Variants in PKD1L1 observed in about 807,000 individuals in gnomAD.
The protein encoded by PKD1L1 is polycystin 1 like 1, transient receptor potential channel interacting.
Under a neutral mutation model 323.4 loss-of-function variants are expected in PKD1L1, and 236 were observed. The observed-to-expected ratio is 0.73, with a 90% CI of 0.66 to 0.81. The LOEUF is 0.81. Among genes scored for constraint, PKD1L1 ranks in the 40% least tolerant of loss-of-function variants. PKD1L1 has a pLI of 0.00. For missense variants in PKD1L1, 3,320 were observed against 3,508.0 expected (o/e 0.95, Z 1.35); for synonymous variants, 1,344 against 1,335.0 (o/e 1.01, Z -0.15).
chr7:47,952,086 A>G (rs1018241351), upstream of PKD1L1, among the ~76,000 whole-genome samples: 1 of 152,006 alleles, frequency 6.6e-6, no homozygotes, highest in Non-Finnish European at 1.5e-5. Flanking sequence ...GATATTCTAC[A>G]TCTTTTTTTA....
chr7:47,861,520 A>G (rs1786022012), intron 26 of PKD1L1, among the ~76,000 whole-genome samples: 1 of 152,198 alleles, frequency 6.6e-6, no homozygotes, highest in Non-Finnish European at 1.5e-5. Context: ...GAAGATGCCT[A>G]CGTTGGGTTG....
chr7:47,824,621 G>T (rs998398122), intron 45 of PKD1L1, among the ~76,000 whole-genome samples: 3 of 152,176 alleles, frequency 2.0e-5, no homozygotes, highest in Middle Eastern at 3.4e-3. Flanking sequence ...TCCTAAAGGT[G>T]CCTGGATTGC....
Position 47,842,872 on chromosome 7 carries a change from C to T in PKD1L1, c.5445+90G>A, listed in dbSNP as rs988384078. 2.1e-5 allele frequency: 26 copies of T among 1,245,568 alleles called. 1 individual carries two copies. The African/African-American group carries it at 3.3e-4, about 16-fold the overall frequency. 77.2% of individuals were successfully genotyped at this position (1,245,568 alleles called of 1,614,324 possible). ...GAGATGAGGCTGCTGTGACAGGTGA[C>T]AGACGGGGCAGCCAAATCACCAAAT... is the stretch of plus-strand genomic sequence containing the variant. On this transcript the variant is annotated intron_variant, in intron 34 of 56. Coordinates refer to ENST00000289672, the MANE Select transcript of PKD1L1 (RefSeq NM_138295.5).
In PKD1L1 at chr7:47,890,541, C is replaced by A. The variant is rs1786788175; in HGVS notation, c.2675+1G>T. On this transcript the variant is annotated splice_donor_variant, in intron 16 of 56. Coordinates refer to ENST00000289672, the MANE Select transcript of PKD1L1 (RefSeq NM_138295.5). LOFTEE classifies it high-confidence loss of function. ...GCTGTGCTGAATACAGGGTCAGGTA[C>A]CTGAACGCCGAGTCAGGGTAGGGGG... 6.2e-7 allele frequency: 1 copy of A among 1,613,770 alleles called. No homozygotes were observed. The highest frequency in any genetic ancestry group is 1.3e-5 in the African/African-American group (1 of 74,902).
Position 47,837,057 on chromosome 7 carries a change from A to G in PKD1L1, c.5807T>C (p.Phe1936Ser). ...YCKFTEYLED[F>S]HVWLSVYSRP... ...GCTGTACACCGACAGCCAGACATGG[A>G]AATCCTCCAGGTACTCTGTGAACTT... The change falls in exon 37 of 57, where the codon TTC (phenylalanine) becomes TCC (serine). Residue 1936 changes from phenylalanine to serine, a missense_variant. Physicochemically the swap from Phe to Ser is radical, Grantham distance 155. Coordinates refer to ENST00000289672, the MANE Select transcript of PKD1L1 (RefSeq NM_138295.5). 1.2e-6 allele frequency: 2 copies of G among 1,614,214 alleles called. No individual in the cohort carries two copies. The highest frequency in any genetic ancestry group is 1.7e-6 in the Non-Finnish European group (2 of 1,180,038).
At chr7:47,920,301 A>AAC (rs893100221) in intron 7 of PKD1L1, among the ~76,000 whole-genome samples, 26 of 139,656 alleles carry the variant, frequency 1.9e-4, no homozygotes, top group African/African-American at 5.3e-4. Flanking sequence ...ACAAAAACAA[A>AAC]AAAAAAAAAC....
intron 41 of PKD1L1, among the ~76,000 whole-genome samples, chr7:47,831,917 C>G (rs1785355790): frequency 6.6e-6 from 1 of 152,164 alleles, no homozygotes; most frequent in Non-Finnish European, 1.5e-5. Context: ...GTGACTGGTC[C>G]CCTGCAGTTT....
rs183488698 is a variant in PKD1L1, at chr7:47,908,014, G to A, written c.1402+63C>T. Reference sequence around the variant, plus strand: ...ATAACTTGAACAGTATAAGTAAAGCGGAGATACCCTGCTTCATTTATAGTT... The same window carrying A: ...ATAACTTGAACAGTATAAGTAAAGCAGAGATACCCTGCTTCATTTATAGTT... On this transcript the variant is annotated intron_variant, in intron 9 of 56. Transcript: ENST00000289672. 76 of 1,499,398 alleles carry A rather than the reference G, an allele frequency of 5.1e-5. 1 individual carries two copies. The Middle Eastern group carries it at 7.1e-4, about 14-fold the overall frequency. 92.9% of individuals were successfully genotyped at this position (1,499,398 alleles called of 1,614,324 possible). A position where few individuals can be genotyped will look rare whatever the true frequency, so the allele number is the denominator to read the frequency against.
intron 41 of PKD1L1, 93 bp downstream of exon 41, chr7:47,832,997 G>A: frequency 6.9e-7 from 1 of 1,453,472 alleles, no homozygotes; most frequent in South Asian, 1.4e-5. Flanking sequence ...GTGACATTTG[G>A]CCCAATTGTG....
intron 14 of PKD1L1, among the ~76,000 whole-genome samples, chr7:47,897,270 A>G (rs912355449): frequency 6.6e-6 from 1 of 152,182 alleles, no homozygotes; most frequent in African/African-American, 2.4e-5. Context: ...TGCGTGCCCC[A>G]CAGCTTAAAA....
chr7:47,786,011 G>C (rs576778057), intron 56 of PKD1L1, among the ~76,000 whole-genome samples: 10 of 152,188 alleles, frequency 6.6e-5, no homozygotes, highest in African/African-American at 2.4e-4. Flanking sequence ...CAAAGTTCTG[G>C]AATTACAGGT....
At chr7:47,882,812 T>A (rs1485622998) in intron 19 of PKD1L1, among the ~76,000 whole-genome samples, 1 of 152,038 alleles carries the variant, frequency 6.6e-6, no homozygotes, top group African/African-American at 2.4e-5. Context: ...GAGGGACCTG[T>A]CAGGAGAGTA....
intron 18 of PKD1L1, 79 bp downstream of exon 18, chr7:47,885,607 A>C: frequency 6.6e-7 from 1 of 1,522,368 alleles, no homozygotes; most frequent in South Asian, 1.3e-5. Context: ...CTCACACCTT[A>C]CCCACCAGAT....
chr7:47,788,787 T>TG (rs1444770502), intron 56 of PKD1L1, among the ~76,000 whole-genome samples: 2 of 151,036 alleles, frequency 1.3e-5, no homozygotes, highest in East Asian at 3.9e-4. Flanking sequence ...TTAGTAGAGA[T>TG]GGGTTTTCAC....
intron 56 of PKD1L1, among the ~76,000 whole-genome samples, chr7:47,775,746 A>T (rs1597936): frequency 0.52 from 78,965 of 150,718 alleles, 21,009 homozygotes; most frequent in East Asian, 0.78. Context: ...TTAAACTCAA[A>T]GTAAACAGAA....
At chr7:47,829,345 G>T in intron 44 of PKD1L1, 80 bp downstream of exon 44, 1 of 1,343,250 alleles carries the variant, frequency 7.4e-7, no homozygotes, top group Non-Finnish European at 1.0e-6. Context: ...TGAATTCAAA[G>T]CCTACATTCA....
At chr7:47,939,912 C>A (rs923039196) in intron 3 of PKD1L1, among the ~76,000 whole-genome samples, 7 of 152,142 alleles carry the variant, frequency 4.6e-5, no homozygotes, top group Admixed American at 4.6e-4. Flanking sequence ...TGCAGGGCAG[C>A]CCCCACTCCC....
At chr7:47,818,798 CT>C (rs1201051996) in intron 46 of PKD1L1, among the ~76,000 whole-genome samples, 1 of 152,126 alleles carries the variant, frequency 6.6e-6, no homozygotes, top group African/African-American at 2.4e-5. Context: ...GCTTTATTTG[CT>C]GGTTTATTTT....
chr7:47,838,998 T>C (rs151235102), intron 36 of PKD1L1, among the ~76,000 whole-genome samples: 15 of 152,094 alleles, frequency 9.9e-5, no homozygotes, highest in African/African-American at 3.1e-4. Flanking sequence ...ACGACTTCCA[T>C]GGTTAGTTTG....
Sources: gnomAD v4.1 joint callset for allele counts (sites outside exome capture counted in the v4.1 genomes callset) on GRCh38, gnomAD v4.1.1 for gene constraint, MANE v1.5 for transcripts, NCBI Gene and HGNC (gene_info 2026-07-23, HGNC 2026-07-21) for gene names.